Variants in ACSM4 observed in about 807,000 individuals in gnomAD.
The protein encoded by ACSM4 is acyl-CoA synthetase medium chain family member 4.
ACSM4 carries 66 observed loss-of-function variants against 73.0 expected under a neutral mutation model. That is an observed-to-expected ratio of 0.90 (90% CI 0.74 to 1.11). The LOEUF is 1.11. Among genes scored for constraint, ACSM4 ranks in the 50% least tolerant of loss-of-function variants. The pLI is 0.00. For missense variants in ACSM4, 645 were observed against 714.4 expected (o/e 0.90, Z 1.11); for synonymous variants, 222 against 254.0 (o/e 0.87, Z 1.20).
chr12:7,319,476 A>C (rs1370677373), intron 5 of ACSM4, among the ~76,000 whole-genome samples: 1 of 151,850 alleles, frequency 6.6e-6, no homozygotes, highest in African/African-American at 2.4e-5. Context: ...CTGTAATCCC[A>C]GCTACTTGGG....
At chr12:7,324,973 C>A (rs1946493354) in intron 11 of ACSM4, among the ~76,000 whole-genome samples, 1 of 152,176 alleles carries the variant, frequency 6.6e-6, no homozygotes, top group African/African-American at 2.4e-5. Flanking sequence ...TCCAGTTGAT[C>A]AGATTCTTCC....
At chr12:7,307,075 A>G (rs1249105296) in intron 2 of ACSM4, among the ~76,000 whole-genome samples, 1 of 152,122 alleles carries the variant, frequency 6.6e-6, no homozygotes, top group African/African-American at 2.4e-5. Context: ...CAACATACTG[A>G]AACCCCGTCT....
chr12:7,313,570 T>C (rs1012258563), intron 3 of ACSM4, among the ~76,000 whole-genome samples: 2 of 152,202 alleles, frequency 1.3e-5, no homozygotes, highest in African/African-American at 4.8e-5. Flanking sequence ...TCCAGAATAT[T>C]CATAATAGGA....
In ACSM4 at chr12:7,306,854, A is replaced by AG. The variant is rs1946365441; in HGVS notation, c.412+111_412+112insG. The AG allele has an allele frequency of 9.5e-6, 10 of 1,055,236 alleles. No homozygotes were observed. In the Admixed American group the frequency reaches 2.9e-4, roughly 30 times the overall value. 65.4% of individuals were successfully genotyped at this position (1,055,236 alleles called of 1,614,324 possible). ...AAGTATGCATACAGAAGACAAAAAA[A>AG]AAAAAAAAAAGAAGAGTTAAGGCAA... On this transcript the variant is annotated intron_variant, in intron 2 of 12. Transcript: ENST00000399422.
In ACSM4 at chr12:7,306,759, A is replaced by C. The variant is rs965682520; in HGVS notation, c.412+16A>C. The C allele has an allele frequency of 1.9e-6, 3 of 1,593,856 alleles. No homozygotes were observed. Among genetic ancestry groups the C allele is most frequent in the Non-Finnish European group, 2.6e-6 (3 of 1,168,896 alleles). ...ATACGAACAGGTCAGTGCCAATATTAGCATTCTAAATCACACAAACACAGA... is the reference window on the plus strand; with the variant it reads ...ATACGAACAGGTCAGTGCCAATATTCGCATTCTAAATCACACAAACACAGA... On this transcript the variant is annotated intron_variant, in intron 2 of 12. Coordinates refer to ENST00000399422, the MANE Select transcript of ACSM4 (RefSeq NM_001080454.2).
Position 7,317,274 on chromosome 12 carries a change from G to C in ACSM4, c.758G>C (p.Cys253Ser), listed in dbSNP as rs199737408. 18 of 1,562,514 alleles carry C rather than the reference G, an allele frequency of 1.2e-5. No individual in the cohort carries two copies. In the African/African-American group the frequency reaches 1.8e-4, roughly 15 times the overall value. The change falls in exon 4 of 13, where the codon TGC (cysteine) becomes TCC (serine). Residue 253 changes from cysteine (C) to serine (S), a missense_variant. Physicochemically the swap from Cys to Ser is moderately radical, Grantham distance 112. Transcript: ENST00000399422. ...QSSLGIGFTL[C>S]GRYWLDLKSS... is the part of the protein sequence containing the mutation. The stretch of plus-strand genomic sequence containing the variant: ...AGCCTCGGCATTGGGTTCACCCTCT[G>C]CGGAAGGTAGGGAAGAAAATTCAGT...
intron 12 of ACSM4, among the ~76,000 whole-genome samples, chr12:7,327,384 T>G (rs1461657982): frequency 6.6e-6 from 1 of 152,168 alleles, no homozygotes; most frequent in Non-Finnish European, 1.5e-5. Context: ...GGCAAAGAAT[T>G]GCCAAGTGCC....
chr12:7,326,553 G>A (rs756492070), intron 11 of ACSM4, among the ~76,000 whole-genome samples: 4 of 152,048 alleles, frequency 2.6e-5, no homozygotes, highest in Admixed American at 6.5e-5. Context: ...TCCTTCCTCC[G>A]TTGAGACCCT....
rs117908764 is a variant in ACSM4 at position 7,305,153 on chromosome 12, C to A, written c.201+621C>A. On this transcript the variant is annotated intron_variant, in intron 1 of 12. Transcript: ENST00000399422. Reference sequence around the variant, plus strand: ...CTTCCTGTTAAATACAGGGGGAAAGCCTTCCTTGAAAGCCATTGTGTCTTT... The same window carrying A: ...CTTCCTGTTAAATACAGGGGGAAAGACTTCCTTGAAAGCCATTGTGTCTTT... Among the ~76,000 whole-genome samples the A allele has an allele frequency of 1.6e-4, 25 of 152,284 alleles. No homozygotes were observed. In the East Asian group the frequency reaches 4.6e-3, roughly 28 times the overall value.
intron 11 of ACSM4, among the ~76,000 whole-genome samples, chr12:7,325,032 C>A (rs1946493837): frequency 6.6e-6 from 1 of 152,200 alleles, no homozygotes; most frequent in South Asian, 2.1e-4. Flanking sequence ...CAACCCTCCA[C>A]CCCTTCAGGG....
chr12:7,315,195 CAAAAA>C (rs750480186), intron 3 of ACSM4, among the ~76,000 whole-genome samples: 1 of 85,922 alleles, frequency 1.2e-5, no homozygotes, highest in Non-Finnish European at 2.4e-5. Flanking sequence ...AACTCCGTCT[CAAAAA>C]AAAAAAAAAA....
chr12:7,310,429 G>A, intron 2 of ACSM4, 110 bp from the exon 3 acceptor site: 1 of 1,047,558 alleles, frequency 9.5e-7, no homozygotes, highest in Non-Finnish European at 1.4e-6. Flanking sequence ...AGAGGTAGCT[G>A]AGGTAGCTGA....
chr12:7,304,174 T>C lies in ACSM4; in HGVS notation c.-158T>C. The C allele has an allele frequency of 1.4e-6, 1 of 727,218 alleles. No homozygotes were observed. Among genetic ancestry groups the C allele is most frequent in the South Asian group, 1.8e-5 (1 of 56,540 alleles). The allele number at this position is 727,218 out of a possible 1,614,324, so 45.0% of individuals were successfully genotyped here. A position where few individuals can be genotyped will look rare whatever the true frequency, so the allele number is the denominator to read the frequency against. On this transcript the variant is annotated 5_prime_UTR_variant, in exon 1 of 13. Coordinates refer to ENST00000399422, the MANE Select transcript of ACSM4 (RefSeq NM_001080454.2). ...AGCAGCTCTGAGGAAGGATGAGGTG[T>C]TTTTCAGGTGTTCCCCAACTTGCCA... is the stretch of plus-strand genomic sequence containing the variant.
rs765203370 is a variant in ACSM4 at position 7,304,508 on chromosome 12, G to T, written c.177G>T (p.Leu59=). 6.2e-7 allele frequency: 1 copy of T among 1,613,632 alleles called. No homozygotes were observed. Among genetic ancestry groups the T allele is most frequent in the Non-Finnish European group, 8.5e-7 (1 of 1,179,832 alleles). ...ACTTTAACTTTGCTGCAGATGTGCT[G>T]GACCAGTGGTCCCAAAAGGAGAAGG... ...PKNFNFAADV[L]DQWSQKEKTG... is the part of the protein sequence containing the mutation. The change falls in exon 1 of 13, where the codon CTG becomes CTT. Residue 59 remains leucine (L), a synonymous_variant. Transcript: ENST00000399422.
chr12:7,326,123 C>T (rs755486674), intron 11 of ACSM4, among the ~76,000 whole-genome samples: 1 of 152,202 alleles, frequency 6.6e-6, no homozygotes, highest in African/African-American at 2.4e-5. Flanking sequence ...TTTGAAACAG[C>T]ATTTCAAAGA....
In ACSM4 at chr12:7,306,537, G is replaced by T; in HGVS notation, c.206G>T (p.Gly69Val). 1 of 1,591,160 alleles carries T rather than the reference G, an allele frequency of 6.3e-7. No individual in the cohort carries two copies. The highest frequency in any genetic ancestry group is 2.3e-5 in the East Asian group (1 of 43,622). The change falls in exon 2 of 13, where the codon GGG becomes GTG. Residue 69 changes from glycine to valine, a missense_variant. Gly to Val is a moderately radical substitution (Grantham distance 109). Coordinates refer to ENST00000399422, the MANE Select transcript of ACSM4 (RefSeq NM_001080454.2). ...TTTCCATGTGTCCCTGGTCAGACAG[G>T]GGAGAGACCAGCTAACCCAGCCCTG... The part of the protein sequence containing the change: ...LDQWSQKEKT[G>V]ERPANPALWW...
Position 7,322,641 on chromosome 12 carries a change from T to G in ACSM4, c.1125+100T>G, listed in dbSNP as rs1946473004. The stretch of plus-strand genomic sequence containing the variant: ...AGTGCCCCCATCCCACTGTAAATTT[T>G]TATAGAGTTTCCCGGGATACCTCAC... On this transcript the variant is annotated intron_variant, in intron 7 of 12. Coordinates refer to ENST00000399422, the MANE Select transcript of ACSM4 (RefSeq NM_001080454.2). 10 of 1,437,264 alleles carry G rather than the reference T, an allele frequency of 7.0e-6. No homozygotes were observed. The Admixed American group carries it at 2.7e-4, about 39-fold the overall frequency. The allele number at this position is 1,437,264 out of a possible 1,614,324, so 89.0% of individuals were successfully genotyped here.
chr12:7,322,620 C>A, intron 7 of ACSM4, 79 bp downstream of exon 7: 1 of 1,493,640 alleles, frequency 6.7e-7, no homozygotes, highest in Non-Finnish European at 8.9e-7. Context: ...CCCTGAAGTG[C>A]CCCCATCCCA....
rs758114444 is a variant in ACSM4, at chr12:7,304,541, C to G, written c.201+9C>G. ...GGTCCCAAAAGGAGAAGGTATATGA[C>G]GATGGGCTTCCAGTAGATGCTTGGT... On this transcript the variant is annotated intron_variant, in intron 1 of 12. Coordinates refer to ENST00000399422, the MANE Select transcript of ACSM4 (RefSeq NM_001080454.2). 1.2e-6 allele frequency: 2 copies of G among 1,611,294 alleles called. No homozygotes were observed. The highest frequency in any genetic ancestry group is 1.7e-6 in the Non-Finnish European group (2 of 1,178,624).
Sources: allele counts gnomAD v4.1 joint callset (sites outside exome capture counted in the v4.1 genomes callset), GRCh38; gene constraint gnomAD v4.1.1; transcripts MANE v1.5; gene names NCBI Gene and HGNC (gene_info 2026-07-23, HGNC 2026-07-21).